Variants in VPS41 observed in about 807,000 individuals in gnomAD.
VPS41 encodes the protein VPS41 subunit of HOPS complex.
In VPS41, 85 loss-of-function variants were observed where a neutral mutation model predicts 130.9. The ratio of observed to expected loss-of-function variants is 0.65; its 90% CI spans 0.55 to 0.78. The LOEUF (loss-of-function observed/expected upper bound fraction) is 0.78. Among genes scored for constraint, VPS41 ranks in the 30% least tolerant of loss-of-function variants. The probability of loss-of-function intolerance (pLI) is 0.00; values close to 1 mark genes in which losing one functional copy is unlikely to be tolerated. For synonymous variants in VPS41, 335 were observed against 332.9 expected, an observed-to-expected ratio of 1.01 and a Z score of -0.07; for missense variants, 874 against 1,018.7, an observed-to-expected ratio of 0.86 and a Z score of 1.93.
At chr7:38,859,747 C>T (rs749903184) in intron 4 of VPS41, among the ~76,000 whole-genome samples, 20 of 152,080 alleles carry the variant, frequency 1.3e-4, no homozygotes, top group Non-Finnish European at 2.1e-4. Context: ...CACTGTTAAA[C>T]GACGCATGAT....
intron 2 of VPS41, among the ~76,000 whole-genome samples, chr7:38,878,625 CTGAG>C (rs1333279803): frequency 1.3e-5 from 2 of 152,056 alleles, no homozygotes; most frequent in African/African-American, 4.8e-5. Context: ...AACACAAAGA[CTGAG>C]TATTAGGAAA....
At chr7:38,838,438 G>A (rs1015738931) in intron 4 of VPS41, among the ~76,000 whole-genome samples, 12 of 152,134 alleles carry the variant, frequency 7.9e-5, no homozygotes, top group African/African-American at 2.4e-4. Context: ...CATAAATGTG[G>A]GAAAGTGAAA....
Position 38,723,710 on chromosome 7 carries a change from CGAG to C in VPS41, c.*2533_*2535del, listed in dbSNP as rs1201323911. ...CTGCACTCCAGCCAAGGCAACAGAA[CGAG>C]ACTCCATCTCAAAAAAAAAAAAAAA... On this transcript the variant is annotated 3_prime_UTR_variant, in exon 29 of 29. Coordinates refer to ENST00000310301, the MANE Select transcript of VPS41 (RefSeq NM_014396.4). The C allele has an allele frequency of 2.4e-5, 2 of 83,050 alleles. No individual in the cohort carries two copies. Among genetic ancestry groups the C allele is most frequent in the Admixed American group, 1.7e-4 (1 of 5,914 alleles). 5.1% of individuals were successfully genotyped at this position (83,050 alleles called of 1,614,324 possible). A position where few individuals can be genotyped will look rare whatever the true frequency, so the allele number is the denominator to read the frequency against.
At position 38,808,458 on chromosome 7, in the gene VPS41, A is replaced by T. The variant is rs150714125; in HGVS notation, c.450+9359T>A. Among the ~76,000 whole-genome samples, 705 of 152,316 alleles carry T rather than the reference A, an allele frequency of 4.6e-3. 5 individuals are homozygous for T. Among genetic ancestry groups the T allele is most frequent in the African/African-American group, 0.015 (644 of 41,568 alleles). ...GTACATTGATGACAGCATGAAATAC[A>T]TTTCTAGGAATGAGACCACAATTTA... On this transcript the variant is annotated intron_variant, in intron 7 of 28. Coordinates refer to ENST00000310301, the MANE Select transcript of VPS41 (RefSeq NM_014396.4).
At chr7:38,745,696 G>C (rs1225563409) in intron 22 of VPS41, 83 bp from the exon 23 acceptor site, 13 of 1,080,378 alleles carry the variant, frequency 1.2e-5, no homozygotes, top group Non-Finnish European at 1.8e-5. Flanking sequence ...ACTTACACTT[G>C]AAAGAATTTT....
chr7:38,895,183 G>A (rs953118730), intron 2 of VPS41, among the ~76,000 whole-genome samples: 6 of 152,096 alleles, frequency 3.9e-5, no homozygotes, highest in Non-Finnish European at 7.4e-5. Flanking sequence ...TGAACTGGGC[G>A]TGTTGGTGCA....
chr7:38,788,873 T>G (rs1358613466), intron 10 of VPS41, among the ~76,000 whole-genome samples: 1 of 152,226 alleles, frequency 6.6e-6, no homozygotes, highest in Non-Finnish European at 1.5e-5. Flanking sequence ...ATTAGTCATG[T>G]GGGTAATGTA....
chr7:38,834,851 C>T (rs1224735340), intron 4 of VPS41, among the ~76,000 whole-genome samples: 2 of 148,878 alleles, frequency 1.3e-5, no homozygotes, highest in Non-Finnish European at 3.0e-5. Flanking sequence ...TCATATTTTC[C>T]AAGAAAAAAA....
chr7:38,748,218 C>T (rs1035112117), intron 22 of VPS41, among the ~76,000 whole-genome samples: 2 of 151,932 alleles, frequency 1.3e-5, no homozygotes, highest in African/African-American at 2.4e-5. Context: ...CACATGCGCG[C>T]GCGTGCGCGC....
intron 1 of VPS41, among the ~76,000 whole-genome samples, 175 bp downstream of exon 1, chr7:38,908,979 G>A (rs1787328219): frequency 6.6e-6 from 1 of 152,150 alleles, no homozygotes; most frequent in African/African-American, 2.4e-5. Context: ...TCCCGGGGCT[G>A]GCATCCTCTC....
At position 38,858,651 on chromosome 7, in the gene VPS41, C is replaced by T. The variant is rs145231095; in HGVS notation, c.246+3894G>A. On this transcript the variant is annotated intron_variant, in intron 4 of 28. Coordinates refer to ENST00000310301, the MANE Select transcript of VPS41 (RefSeq NM_014396.4). ...TAATGGAGCTGGAAAATTCCTAACA[C>T]TCTGTGTCACTGCAGCCTAGTAACA... 3.8e-3 allele frequency among the ~76,000 whole-genome samples: 576 copies of T among 152,284 alleles called. 2 individuals are homozygous for T. The highest frequency in any genetic ancestry group is 7.1e-3 in the Non-Finnish European group (482 of 68,012).
At chr7:38,879,293 G>T (rs1223310424) in intron 2 of VPS41, among the ~76,000 whole-genome samples, 3 of 152,140 alleles carry the variant, frequency 2.0e-5, no homozygotes, top group Non-Finnish European at 4.4e-5. Flanking sequence ...ACAGAAATGG[G>T]CAGCAACAGC....
intron 5 of VPS41, among the ~76,000 whole-genome samples, chr7:38,827,070 G>A (rs1038477102): frequency 2.3e-4 from 35 of 152,124 alleles, no homozygotes; most frequent in Admixed American, 1.1e-3. Flanking sequence ...TGCCCGCTTC[G>A]GCCTCCCAAA....
At position 38,876,456 on chromosome 7, in the gene VPS41, G is replaced by A. The variant is rs368672202; in HGVS notation, c.61-7203C>T. ...CCAATATAGTAATTTCCCTAAGGTC[G>A]GTTTCTTCCTCTGTAGAATGGGGAT... On this transcript the variant is annotated intron_variant, in intron 2 of 28. Coordinates refer to ENST00000310301, the MANE Select transcript of VPS41 (RefSeq NM_014396.4). Among the ~76,000 whole-genome samples, 21 of 152,136 alleles carry A rather than the reference G, an allele frequency of 1.4e-4. No homozygotes were observed. The East Asian group carries it at 2.3e-3, about 17-fold the overall frequency.
At chr7:38,908,428 G>A (rs1175710440) in intron 1 of VPS41, among the ~76,000 whole-genome samples, 3 of 151,982 alleles carry the variant, frequency 2.0e-5, no homozygotes, top group African/African-American at 7.3e-5. Flanking sequence ...TCAGTGCCAC[G>A]TTGCCAGTTG....
chr7:38,846,653 G>A lies in VPS41; in HGVS notation c.246+15892C>T, dbSNP rs574081029. ...CAAAATCCTAGCACTGCTTTGGGAA[G>A]ATTACTTGGGCAGCTGTGTGAAAAA... On this transcript the variant is annotated intron_variant, in intron 4 of 28. Coordinates refer to ENST00000310301, the MANE Select transcript of VPS41 (RefSeq NM_014396.4). 5.3e-5 allele frequency among the ~76,000 whole-genome samples: 8 copies of A among 152,264 alleles called. No homozygotes were observed. The East Asian group carries it at 1.4e-3, about 26-fold the overall frequency.
At chr7:38,728,667 A>C (rs547881497) in intron 26 of VPS41, 25 bp downstream of exon 26, 1 of 1,613,922 alleles carries the variant, frequency 6.2e-7, no homozygotes, top group African/African-American at 1.3e-5. Context: ...ACGTGGTTCC[A>C]TATGATTATT....
intron 9 of VPS41, among the ~76,000 whole-genome samples, chr7:38,792,888 T>A (rs1784559370): frequency 6.6e-6 from 1 of 152,126 alleles, no homozygotes. Context: ...ACAGCTTCCT[T>A]GCTGTTCCTC....
At chr7:38,777,050 T>C (rs1007694253) in intron 10 of VPS41, among the ~76,000 whole-genome samples, 3 of 152,166 alleles carry the variant, frequency 2.0e-5, no homozygotes, top group South Asian at 2.1e-4. Flanking sequence ...AGGGTGACAC[T>C]GTGCTTAGGT....
Sources: gnomAD v4.1 joint callset for allele counts (sites outside exome capture counted in the v4.1 genomes callset) on GRCh38, gnomAD v4.1.1 for gene constraint, MANE v1.5 for transcripts, NCBI Gene and HGNC (gene_info 2026-07-23, HGNC 2026-07-21) for gene names.